ATRNL1: variants seen among roughly 807,000 people sequenced by gnomAD.
ATRNL1 encodes attractin like 1.
A neutral mutation model predicts 182.7 loss-of-function variants in ATRNL1; 95 were observed. That is an observed-to-expected ratio of 0.52 (90% CI 0.44 to 0.62). The LOEUF is 0.62. Ranked by LOEUF, ATRNL1 falls within the 20% of genes least tolerant of loss-of-function variation. The pLI, the probability that ATRNL1 is intolerant of heterozygous loss-of-function variation, is 0.00. For missense variants in ATRNL1, 1,471 were observed against 1,679.5 expected (o/e 0.88, Z 2.17); for synonymous variants, 576 against 568.3 (o/e 1.01, Z -0.19).
intron 27 of ATRNL1, among the ~76,000 whole-genome samples, chr10:115,832,310 G>C (rs1589574910): frequency 6.6e-6 from 1 of 152,162 alleles, no homozygotes; most frequent in South Asian, 2.1e-4. Flanking sequence ...TTGGTCAGGA[G>C]CTGCCACTCA....
At chr10:115,300,517 T>C (rs1379545161) in intron 16 of ATRNL1, among the ~76,000 whole-genome samples, 1 of 152,166 alleles carries the variant, frequency 6.6e-6, no homozygotes. Context: ...AATTCATTAA[T>C]GTCTTTTACT....
intron 25 of ATRNL1, among the ~76,000 whole-genome samples, chr10:115,534,126 G>T (rs1320348897): frequency 1.3e-5 from 2 of 152,030 alleles, no homozygotes; most frequent in African/African-American, 4.8e-5. Flanking sequence ...AGGTCTGCTT[G>T]GTGCAGAGCT....
At chr10:115,663,885 G>C (rs1555038907) in intron 26 of ATRNL1, among the ~76,000 whole-genome samples, 1 of 152,074 alleles carries the variant, frequency 6.6e-6, no homozygotes, top group Non-Finnish European at 1.5e-5. Context: ...TCTATGCCCT[G>C]TGACTGCTTT....
At chr10:115,582,213 ACGTG>A (rs781919959) in intron 26 of ATRNL1, among the ~76,000 whole-genome samples, 69,669 of 149,774 alleles carry the variant, frequency 0.47, 17,908 homozygotes, top group East Asian at 0.84. Flanking sequence ...ATACGTGTGC[ACGTG>A]TCTTTATAGC....
rs782157017 is a variant in ATRNL1, at chr10:115,442,303, C to CTCTCTCTCTCTCTCTCTCTCTCTG, written c.3322+16002_3322+16003insCTCTCTCTCTCTCTCTCTCTCTGT. On this transcript the variant is annotated intron_variant, in intron 21 of 28. Transcript: ENST00000355044. ...TCTCTCTCTCTCTCTCTCTCTCTCT[C>CTCTCTCTCTCTCTCTCTCTCTCTG]TGTGTGTATGTGTGTGTGTAAACAA... 9.7e-3 allele frequency among the ~76,000 whole-genome samples: 1,196 copies of CTCTCTCTCTCTCTCTCTCTCTCTG among 123,534 alleles called. 27 individuals are homozygous for CTCTCTCTCTCTCTCTCTCTCTCTG. Among genetic ancestry groups the CTCTCTCTCTCTCTCTCTCTCTCTG allele is most frequent in the African/African-American group, 0.013 (406 of 32,090 alleles). The allele number at this position is 123,534 out of a possible 152,430, so 81.0% of individuals were successfully genotyped here.
In ATRNL1 at chr10:115,847,940, T is replaced by C; in HGVS notation, c.3967T>C (p.Phe1323Leu). ...AGNRAAVLTV[F>L]LCLPRGSSGA... ...GAACAGAGCTGCTGTTCTGACTGTG[T>C]TTCTTTGTCTACCACGAGGATCATC... Residue 1323 changes from phenylalanine to leucine, a missense_variant, in exon 28 of 29, where the codon TTT (phenylalanine) becomes CTT (leucine). Around this residue, in one of 3 missense-constraint regions of ATRNL1, gnomAD observed 437 missense variants for 506.0 expected, o/e 0.86. Transcript: ENST00000355044. 6.2e-7 allele frequency: 1 copy of C among 1,612,974 alleles called. No individual in the cohort carries two copies. Among genetic ancestry groups the C allele is most frequent in the South Asian group, 1.1e-5 (1 of 91,050 alleles).
chr10:115,563,755 C>T (rs1555000555), intron 26 of ATRNL1, among the ~76,000 whole-genome samples: 1 of 152,064 alleles, frequency 6.6e-6, no homozygotes, highest in South Asian at 2.1e-4. Flanking sequence ...TAATAGCATC[C>T]TGAATAATTG....
At chr10:115,215,317 A>G (rs1185270464) in intron 8 of ATRNL1, among the ~76,000 whole-genome samples, 1 of 152,210 alleles carries the variant, frequency 6.6e-6, no homozygotes, top group Non-Finnish European at 1.5e-5. Context: ...GGTAGGGATC[A>G]TATCATTTTA....
chr10:115,923,228 T>C (rs964892886), intron 28 of ATRNL1, among the ~76,000 whole-genome samples: 6 of 152,154 alleles, frequency 3.9e-5, no homozygotes, highest in African/African-American at 1.4e-4. Context: ...TACACATATA[T>C]ACACAAAACA....
At chr10:115,489,756 A>G (rs1039415617) in intron 24 of ATRNL1, among the ~76,000 whole-genome samples, 5 of 152,106 alleles carry the variant, frequency 3.3e-5, no homozygotes, top group African/African-American at 1.2e-4. Context: ...TGTGAATTTG[A>G]TCTTGTCATT....
chr10:115,390,581 T>C (rs1843967658), intron 19 of ATRNL1, among the ~76,000 whole-genome samples: 1 of 152,190 alleles, frequency 6.6e-6, no homozygotes, highest in African/African-American at 2.4e-5. Flanking sequence ...TTTTGTTTAA[T>C]ATAGGTTTGT....
At chr10:115,235,098 CTG>C (rs1850123835) in intron 9 of ATRNL1, among the ~76,000 whole-genome samples, 1 of 152,124 alleles carries the variant, frequency 6.6e-6, no homozygotes, top group African/African-American at 2.4e-5. Flanking sequence ...CATTTGAAGT[CTG>C]TGCCTCGTTT....
intron 26 of ATRNL1, among the ~76,000 whole-genome samples, chr10:115,661,828 A>G (rs1288279218): frequency 6.6e-6 from 1 of 152,062 alleles, no homozygotes; most frequent in East Asian, 1.9e-4. Context: ...CGTGCAGGTT[A>G]GTTACATATG....
intron 1 of ATRNL1, among the ~76,000 whole-genome samples, 187 bp downstream of exon 1, chr10:115,094,230 G>C (rs782190804): frequency 7.9e-5 from 12 of 151,708 alleles, no homozygotes; most frequent in Non-Finnish European, 8.8e-5. Context: ...GCCCCGGGGC[G>C]CCCCGGGAGA....
chr10:115,710,503 T>A (rs1947031921), intron 26 of ATRNL1, among the ~76,000 whole-genome samples: 1 of 152,120 alleles, frequency 6.6e-6, no homozygotes, highest in South Asian at 2.1e-4. Context: ...TATAGGAAAG[T>A]AGAAACTGTC....
intron 19 of ATRNL1, among the ~76,000 whole-genome samples, chr10:115,365,567 A>T (rs1338161263): frequency 1.4e-3 from 215 of 152,174 alleles, no homozygotes; most frequent in African/African-American, 4.8e-3. Flanking sequence ...TGCTAGCTTT[A>T]GAATGTGTTT....
Position 115,942,817 on chromosome 10 carries a change from A to T in ATRNL1, c.4019-1841A>T, listed in dbSNP as rs544273447. On this transcript the variant is annotated intron_variant, in intron 28 of 28. Transcript: ENST00000355044. ...TCTGGCCTCATGGTTTAGTATGGTG[A>T]TTTGATACATTTGGTTTTACTCAAG... 2.3e-4 allele frequency among the ~76,000 whole-genome samples: 35 copies of T among 152,286 alleles called. 2 individuals carry two copies. The South Asian group carries it at 7.3e-3, about 32-fold the overall frequency.
At position 115,246,769 on chromosome 10, in the gene ATRNL1, C is replaced by T. The variant is rs1359360753; in HGVS notation, c.1687+5044C>T. 1.6e-5 allele frequency among the ~76,000 whole-genome samples: 2 copies of T among 127,826 alleles called. 1 individual carries two copies. Among genetic ancestry groups the T allele is most frequent in the African/African-American group, 6.3e-5 (2 of 31,592 alleles). 83.9% of individuals were successfully genotyped at this position (127,826 alleles called of 152,430 possible). A position where few individuals can be genotyped will look rare whatever the true frequency, so the allele number is the denominator to read the frequency against. On this transcript the variant is annotated intron_variant, in intron 10 of 28. Transcript: ENST00000355044. ...TAGAGACGGGGTTTCACCTTGTTAGCCAGGATGGTCTCGATCTCCTGACCT... is the reference window on the plus strand; with the variant it reads ...TAGAGACGGGGTTTCACCTTGTTAGTCAGGATGGTCTCGATCTCCTGACCT...
intron 26 of ATRNL1, among the ~76,000 whole-genome samples, chr10:115,650,297 A>G (rs939715125): frequency 6.6e-6 from 1 of 152,112 alleles, no homozygotes; most frequent in African/African-American, 2.4e-5. Context: ...ACACGATTGG[A>G]CATGATTGTT....
Sources: allele counts gnomAD v4.1 joint callset (sites outside exome capture counted in the v4.1 genomes callset), GRCh38; gene constraint gnomAD v4.1.1; regional missense constraint gnomAD v4.1.1; transcripts MANE v1.5; gene names NCBI Gene and HGNC (gene_info 2026-07-23, HGNC 2026-07-21).